Variants in GUF1 observed in about 807,000 individuals in gnomAD.
The protein encoded by GUF1 is GTP binding elongation factor GUF1.
GUF1 carries 78 observed loss-of-function variants against 82.4 expected under a neutral mutation model. The observed-to-expected ratio is 0.95, with a 90% CI of 0.79 to 1.14. The LOEUF (loss-of-function observed/expected upper bound fraction) is 1.14. GUF1 is among the 50% of genes most tolerant of loss of function. The probability of loss-of-function intolerance (pLI) is 0.00; values close to 1 mark genes in which losing one functional copy is unlikely to be tolerated. For synonymous variants in GUF1, 279 were observed against 282.3 expected (o/e 0.99, Z 0.12); for missense variants, 814 against 798.2 (o/e 1.02, Z -0.24).
rs1213939338 is a variant in GUF1, at chr4:44,680,432, C to T, written c.166-9C>T. On this transcript the variant is annotated splice_polypyrimidine_tract_variant and intron_variant, in intron 1 of 16. Coordinates refer to ENST00000281543, the MANE Select transcript of GUF1 (RefSeq NM_021927.3). ...TTATACTCCTAAATGTGGTATTTCCCCTTTCTAGGAAAAACTTGACATGTC... is the reference window on the plus strand; with the variant it reads ...TTATACTCCTAAATGTGGTATTTCCTCTTTCTAGGAAAAACTTGACATGTC... 7.2e-7 allele frequency: 1 copy of T among 1,395,486 alleles called. No individual in the cohort carries two copies. Among genetic ancestry groups the T allele is most frequent in the South Asian group, 1.2e-5 (1 of 82,582 alleles). 86.4% of individuals were successfully genotyped at this position (1,395,486 alleles called of 1,614,324 possible).
At chr4:44,680,357 T>A (rs1714690962) in intron 1 of GUF1, 84 bp from the exon 2 acceptor site, 1 of 611,570 alleles carries the variant, frequency 1.6e-6, no homozygotes, top group Admixed American at 3.3e-5. Flanking sequence ...TGTTCAACGA[T>A]TAAAAGAATA....
chr4:44,698,436 G>T (rs1547526), intron 16 of GUF1, 108 bp from the exon 17 acceptor site: 16 of 766,508 alleles, frequency 2.1e-5, no homozygotes, highest in Non-Finnish European at 2.5e-5. Context: ...TCTGCCTTAT[G>T]GATAATAATT....
chr4:44,686,164 A>C, intron 7 of GUF1, 141 bp downstream of exon 7: 2 of 653,556 alleles, frequency 3.1e-6, no homozygotes, highest in Non-Finnish European at 2.7e-6. Flanking sequence ...GGCAGCGAGA[A>C]TAAATTTATT....
At chr4:44,684,301 G>T (rs188268497) in intron 6 of GUF1, among the ~76,000 whole-genome samples, 1 of 152,184 alleles carries the variant, frequency 6.6e-6, no homozygotes, top group African/African-American at 2.4e-5. Context: ...AAACTGAAAC[G>T]TGGAGGAATG....
intron 8 of GUF1, 119 bp downstream of exon 8, chr4:44,686,832 A>C: frequency 1.5e-6 from 1 of 685,858 alleles, no homozygotes; most frequent in Non-Finnish European, 2.6e-6. Context: ...AAACTATTTA[A>C]TGCAACTATA....
At chr4:44,695,882 T>A in intron 15 of GUF1, 148 bp downstream of exon 15, 1 of 744,650 alleles carries the variant, frequency 1.3e-6, no homozygotes, top group Non-Finnish European at 2.1e-6. Context: ...TTTTCTGATT[T>A]AAGTAATGAC....
chr4:44,680,997 G>T (rs773192472), intron 3 of GUF1, 126 bp from the exon 4 acceptor site: 2 of 1,104,644 alleles, frequency 1.8e-6, no homozygotes, highest in African/African-American at 3.1e-5. Flanking sequence ...TGTTTCAAAA[G>T]TGCAGGCTAC....
rs888516091 is a variant in GUF1 at position 44,699,025 on chromosome 4, T to C, written c.*344T>C. 1.2e-5 allele frequency: 2 copies of C among 172,572 alleles called. No homozygotes were observed. The highest frequency in any genetic ancestry group is 2.4e-5 in the Non-Finnish European group (2 of 81,850). The allele number at this position is 172,572 out of a possible 1,614,324, so 10.7% of individuals were successfully genotyped here. ...ATATTCAGAGGTGCAAGACACATAG[T>C]AAGCACTCAATTGTAACTACAGTTA... On this transcript the variant is annotated 3_prime_UTR_variant, in exon 17 of 17. Transcript: ENST00000281543.
In GUF1 at chr4:44,699,752, A is replaced by T. The variant is rs551319348; in HGVS notation, c.*1071A>T. On this transcript the variant is annotated 3_prime_UTR_variant, in exon 17 of 17. Transcript: ENST00000281543. ...CTAGTTAATGATAAAATGTTTATAG[A>T]TTTTATCAGGTGGTTAGTTTGAAAC... is the stretch of plus-strand genomic sequence containing the variant. 6.6e-6 allele frequency: 1 copy of T among 152,348 alleles called. No homozygotes were observed. Among genetic ancestry groups the T allele is most frequent in the African/African-American group, 2.4e-5 (1 of 41,596 alleles). The allele number at this position is 152,348 out of a possible 1,614,324, so 9.4% of individuals were successfully genotyped here. A position where few individuals can be genotyped will look rare whatever the true frequency, so the allele number is the denominator to read the frequency against.
At chr4:44,687,762 A>T (rs965101230) in intron 8 of GUF1, among the ~76,000 whole-genome samples, 1 of 151,982 alleles carries the variant, frequency 6.6e-6, no homozygotes, top group Non-Finnish European at 1.5e-5. Flanking sequence ...TAAATTGCAA[A>T]GGTTGGCAGA....
intron 1 of GUF1, 65 bp from the exon 2 acceptor site, chr4:44,680,376 A>G (rs1186316858): frequency 4.6e-6 from 3 of 648,262 alleles, no homozygotes; most frequent in South Asian, 2.0e-5. Context: ...TATTCTTTGA[A>G]TTGGTATACT....
chr4:44,678,678 C>G lies in GUF1; in HGVS notation c.56C>G (p.Ala19Gly), dbSNP rs1209050859. 1 of 1,499,852 alleles carries G rather than the reference C, an allele frequency of 6.7e-7. No homozygotes were observed. Among genetic ancestry groups the G allele is most frequent in the Admixed American group, 2.9e-5 (1 of 34,540 alleles). The allele number at this position is 1,499,852 out of a possible 1,614,324, so 92.9% of individuals were successfully genotyped here. A position where few individuals can be genotyped will look rare whatever the true frequency, so the allele number is the denominator to read the frequency against. ...TGCGCACGCGCTCTCGCGCCACGAG[C>G]CACTGGGGCCGCGCTTCTGGTGGCC... ...WGCARALAPRATGAALLVAPG... is the reference protein window; with the variant it reads ...WGCARALAPRGTGAALLVAPG... Residue 19 changes from alanine to glycine, a missense_variant, in exon 1 of 17, where the codon GCC becomes GGC. By Grantham distance (60) the Ala-to-Gly change is moderately conservative. Transcript: ENST00000281543.
At chr4:44,681,486 CCCA>C (rs1714770929) in intron 4 of GUF1, among the ~76,000 whole-genome samples, 3 of 151,930 alleles carry the variant, frequency 2.0e-5, no homozygotes, top group African/African-American at 7.2e-5. Context: ...CCAAAAAAAC[CCCA>C]CCAACTTTAG....
chr4:44,688,460 A>T (rs377523744), intron 9 of GUF1, among the ~76,000 whole-genome samples: 5 of 151,908 alleles, frequency 3.3e-5, no homozygotes, highest in African/African-American at 7.2e-5. Context: ...TTTTCTAATT[A>T]GGATGTTCTT....
intron 3 of GUF1, 136 bp downstream of exon 3, chr4:44,680,978 A>T: frequency 9.4e-7 from 1 of 1,065,934 alleles, no homozygotes; most frequent in Non-Finnish European, 1.4e-6. Context: ...TTCTTATGTT[A>T]GTGTCAGTTG....
At chr4:44,690,683 G>C in intron 11 of GUF1, 34 bp from the exon 12 acceptor site, 1 of 1,281,572 alleles carries the variant, frequency 7.8e-7, no homozygotes, top group Non-Finnish European at 1.1e-6. Flanking sequence ...ATTATATTAA[G>C]ATTTTAAGTA....
chr4:44,693,556 G>A (rs946785454), intron 13 of GUF1, among the ~76,000 whole-genome samples: 3 of 152,054 alleles, frequency 2.0e-5, no homozygotes, highest in Non-Finnish European at 2.9e-5. Flanking sequence ...TTAATAGAGT[G>A]TATTATTGTC....
chr4:44,686,371 A>G (rs1045414088), intron 7 of GUF1, 139 bp from the exon 8 acceptor site: 1 of 503,708 alleles, frequency 2.0e-6, no homozygotes, highest in African/African-American at 2.0e-5. Flanking sequence ...AATATATTTT[A>G]TAAAAAGGTC....
intron 1 of GUF1, among the ~76,000 whole-genome samples, chr4:44,679,763 GA>G (rs1345663795): frequency 8.2e-6 from 1 of 122,078 alleles, no homozygotes; most frequent in African/African-American, 2.6e-5. Flanking sequence ...CAGTTGATTG[GA>G]AAAAAATAGA....
Sources: allele counts gnomAD v4.1 joint callset (sites outside exome capture counted in the v4.1 genomes callset), GRCh38; gene constraint gnomAD v4.1.1; transcripts MANE v1.5; gene names NCBI Gene and HGNC (gene_info 2026-07-23, HGNC 2026-07-21).